DHRS7B: variants seen among roughly 807,000 people sequenced by gnomAD.
The protein encoded by DHRS7B is peroxisomal reductase activating PPAR-gamma.
In DHRS7B, 24 loss-of-function variants were observed where a neutral mutation model predicts 26.4. The ratio of observed to expected loss-of-function variants is 0.91; its 90% CI spans 0.66 to 1.28. The LOEUF is 1.28. Among genes scored for constraint, DHRS7B ranks in the 50% most tolerant of loss-of-function variants. The pLI is 0.00. For synonymous variants in DHRS7B, 142 were observed against 166.4 expected (o/e 0.85, Z 1.13); for missense variants, 368 against 419.4 (o/e 0.88, Z 1.07).
intron 5 of DHRS7B, among the ~76,000 whole-genome samples, chr17:21,184,894 T>A (rs1408656626): frequency 6.6e-6 from 1 of 152,342 alleles, no homozygotes; most frequent in East Asian, 1.9e-4. Context: ...AATTCAAACA[T>A]GCAAAAATGG....
intron 1 of DHRS7B, among the ~76,000 whole-genome samples, chr17:21,164,559 T>C (rs1036356413): frequency 3.3e-5 from 5 of 152,244 alleles, no homozygotes; most frequent in Non-Finnish European, 7.3e-5. Flanking sequence ...AGGTGCGGTG[T>C]TCGGCCAGCA....
intron 6 of DHRS7B, among the ~76,000 whole-genome samples, chr17:21,190,459 C>T (rs1974751110): frequency 6.6e-6 from 1 of 152,190 alleles, no homozygotes; most frequent in Non-Finnish European, 1.5e-5. Flanking sequence ...ATAGTCCCCA[C>T]CCACCTCTGT....
intron 2 of DHRS7B, among the ~76,000 whole-genome samples, chr17:21,172,973 C>T (rs753319672): frequency 1.8e-4 from 28 of 152,352 alleles, no homozygotes; most frequent in East Asian, 3.9e-4. Flanking sequence ...CTGCCATCCA[C>T]GCTTACTCTG....
intron 1 of DHRS7B, chr17:21,166,540 CAAAA>C (rs56142443): frequency 1.3e-4 from 86 of 646,376 alleles, no homozygotes; most frequent in Non-Finnish European, 1.5e-4. Context: ...CATTTGAGAC[CAAAA>C]AAAAAAAAAG....
chr17:21,172,719 G>C (rs1169664021), intron 2 of DHRS7B, among the ~76,000 whole-genome samples: 1 of 152,122 alleles, frequency 6.6e-6, no homozygotes, highest in Non-Finnish European at 1.5e-5. Context: ...GTCTAGACAA[G>C]GTCAAAGACA....
At position 21,156,472 on chromosome 17, in the gene DHRS7B, T is replaced by G. The variant is rs541833965; in HGVS notation, c.21-15546T>G. Among the ~76,000 whole-genome samples the G allele has an allele frequency of 6.6e-5, 10 of 150,904 alleles. No homozygotes were observed. In the East Asian group the frequency reaches 2.0e-3, roughly 30 times the overall value. On this transcript the variant is annotated intron_variant, in intron 1 of 6. Coordinates refer to ENST00000395511, the MANE Select transcript of DHRS7B (RefSeq NM_015510.5). The stretch of plus-strand genomic sequence containing the variant: ...ATACAAAAGTTAGCCAGGCATGGTG[T>G]TGTGCACCTGTAATCCCAGCTACTT...
chr17:21,188,802 CG>C lies in DHRS7B; in HGVS notation c.713del (p.Gly238AlafsTer9). The C allele has an allele frequency of 6.2e-7, 1 of 1,614,168 alleles. No homozygotes were observed. Among genetic ancestry groups the C allele is most frequent in the Non-Finnish European group, 8.5e-7 (1 of 1,180,044 alleles). On this transcript the variant is annotated frameshift_variant, in exon 6 of 7. Transcript: ENST00000395511. LOFTEE classifies it high-confidence loss of function. ...AAATTGAGGTGACCGTCATCAGCCC[CG>C]GCTACATCCACACCAACCTCTCTGT... ...YEIEVTVISP[G>X]YIHTNLSVNA... is the part of the protein sequence containing the mutation.
chr17:21,172,229 G>A, intron 2 of DHRS7B, 33 bp downstream of exon 2: 1 of 1,585,504 alleles, frequency 6.3e-7, no homozygotes, highest in Non-Finnish European at 8.6e-7. Context: ...CCAGGGGGCG[G>A]GGGTAAGTCA....
At chr17:21,138,075 A>AAATAT (rs1238830544) in intron 1 of DHRS7B, among the ~76,000 whole-genome samples, 1 of 33,230 alleles carries the variant, frequency 3.0e-5, no homozygotes, top group East Asian at 5.3e-4. Context: ...TTAAAAAAAA[A>AAATAT]ATATATATAT....
chr17:21,152,390 A>G (rs181288597), intron 1 of DHRS7B, among the ~76,000 whole-genome samples: 1 of 152,294 alleles, frequency 6.6e-6, no homozygotes, highest in Admixed American at 6.5e-5. Context: ...CCTGGACTCA[A>G]GCAATATGCC....
chr17:21,183,532 G>C, intron 3 of DHRS7B, 62 bp from the exon 4 acceptor site: 1 of 1,459,496 alleles, frequency 6.9e-7, no homozygotes, highest in South Asian at 1.1e-5. Flanking sequence ...TGATCCGTGG[G>C]ACACATAGCT....
chr17:21,173,107 G>A (rs1486448837), intron 2 of DHRS7B, among the ~76,000 whole-genome samples: 2 of 152,246 alleles, frequency 1.3e-5, no homozygotes, highest in African/African-American at 4.8e-5. Context: ...GAGGCTCTGG[G>A]TCAGGTTCTA....
chr17:21,149,329 C>T (rs968797250), intron 1 of DHRS7B, among the ~76,000 whole-genome samples: 2 of 152,130 alleles, frequency 1.3e-5, no homozygotes, highest in Admixed American at 1.3e-4. Context: ...GAATTTACCG[C>T]CACTAAACCC....
chr17:21,135,014 G>C (rs1055844005), intron 1 of DHRS7B, among the ~76,000 whole-genome samples: 1 of 152,078 alleles, frequency 6.6e-6, no homozygotes, highest in African/African-American at 2.4e-5. Context: ...GCACCTGTTA[G>C]AGTTTTGTAG....
chr17:21,141,562 A>G (rs1973509947), intron 1 of DHRS7B, among the ~76,000 whole-genome samples: 1 of 144,382 alleles, frequency 6.9e-6, no homozygotes, highest in African/African-American at 2.5e-5. Flanking sequence ...ACCCCAGTTC[A>G]GTTACTTACC....
rs1270176726 is a variant in DHRS7B, at chr17:21,188,878, C to T, written c.772+15C>T. On this transcript the variant is annotated intron_variant, in intron 6 of 6. Coordinates refer to ENST00000395511, the MANE Select transcript of DHRS7B (RefSeq NM_015510.5). ...TAGGTATGGAGGTGAGGCCCGGTTT[C>T]TCTTTTCTCCTATGAAAATCTGTCG... 17 of 1,614,068 alleles carry T rather than the reference C, an allele frequency of 1.1e-5. No homozygotes were observed. Among genetic ancestry groups the T allele is most frequent in the Admixed American group, 1.7e-5 (1 of 60,002 alleles).
At chr17:21,165,008 A>G (rs1349257491) in intron 1 of DHRS7B, among the ~76,000 whole-genome samples, 1 of 152,200 alleles carries the variant, frequency 6.6e-6, no homozygotes, top group Non-Finnish European at 1.5e-5. Flanking sequence ...TTTTTCAGTC[A>G]GTTTATGATT....
intron 1 of DHRS7B, among the ~76,000 whole-genome samples, chr17:21,131,647 A>G (rs1973232704): frequency 6.6e-6 from 1 of 152,216 alleles, no homozygotes; most frequent in Non-Finnish European, 1.5e-5. Context: ...AGTAGGTCTC[A>G]GCCTTATTTT....
intron 4 of DHRS7B, 133 bp downstream of exon 4, chr17:21,183,943 G>T (rs566120019): frequency 2.6e-6 from 2 of 764,080 alleles, no homozygotes; most frequent in African/African-American, 3.5e-5. Flanking sequence ...AGGTGTTATT[G>T]TTACAGTTTG....
Sources: allele counts gnomAD v4.1 joint callset (sites outside exome capture counted in the v4.1 genomes callset), GRCh38; gene constraint gnomAD v4.1.1; transcripts MANE v1.5; gene names NCBI Gene and HGNC (gene_info 2026-07-23, HGNC 2026-07-21).